Variants in PHF21A observed in about 807,000 individuals in gnomAD.
The protein encoded by PHF21A is BHC80a.
In PHF21A, 11 loss-of-function variants were observed where a neutral mutation model predicts 82.5. That is an observed-to-expected ratio of 0.13 (90% CI 0.08 to 0.22). The LOEUF is 0.22. PHF21A is among the 10% of genes least tolerant of loss of function. The probability of loss-of-function intolerance (pLI) is 1.00; values close to 1 mark genes in which losing one functional copy is unlikely to be tolerated. For missense variants in PHF21A, 579 were observed against 837.8 expected (o/e 0.69, Z 3.81); for synonymous variants, 297 against 302.8 (o/e 0.98, Z 0.20).
chr11:46,063,336 T>G (rs1335179272), intron 6 of PHF21A, among the ~76,000 whole-genome samples: 1 of 152,182 alleles, frequency 6.6e-6, no homozygotes, highest in African/African-American at 2.4e-5. Flanking sequence ...GTTGAGTGCC[T>G]CTCTGGTTAA....
intron 1 of PHF21A, among the ~76,000 whole-genome samples, chr11:46,098,449 A>G (rs969323423): frequency 6.6e-6 from 1 of 152,264 alleles, no homozygotes; most frequent in African/African-American, 2.4e-5. Flanking sequence ...TTCTTACAAT[A>G]TAAACAAAAA....
chr11:45,934,348 C>T, intron 18 of PHF21A, 123 bp from the exon 19 acceptor site: 1 of 1,001,910 alleles, frequency 1.0e-6, no homozygotes, highest in East Asian at 2.4e-5. Context: ...TGCTGTGCAG[C>T]CCCTGGGCCT....
chr11:45,941,205 C>T (rs2090281024), intron 15 of PHF21A, among the ~76,000 whole-genome samples: 1 of 152,032 alleles, frequency 6.6e-6, no homozygotes, highest in South Asian at 2.1e-4. Context: ...CTCAGGTAAT[C>T]CTCCCACCTC....
chr11:46,086,885 C>CA (rs2096863372), intron 3 of PHF21A, among the ~76,000 whole-genome samples: 2 of 152,128 alleles, frequency 1.3e-5, no homozygotes, highest in Admixed American at 1.3e-4. Flanking sequence ...TTAGGGCCCT[C>CA]AAAAATTGAT....
chr11:46,100,956 T>C (rs1020477919), intron 1 of PHF21A, among the ~76,000 whole-genome samples: 9 of 152,312 alleles, frequency 5.9e-5, no homozygotes, highest in African/African-American at 1.9e-4. Context: ...AAGCATTCCT[T>C]AACCAATACA....
At chr11:46,114,090 C>CACAT (rs993700924) in intron 1 of PHF21A, among the ~76,000 whole-genome samples, 7 of 151,208 alleles carry the variant, frequency 4.6e-5, no homozygotes, top group African/African-American at 1.7e-4. Context: ...ATTCCCTACA[C>CACAT]ACACACACAC....
At chr11:45,972,385 T>C (rs1310888407) in intron 7 of PHF21A, among the ~76,000 whole-genome samples, 1 of 152,200 alleles carries the variant, frequency 6.6e-6, no homozygotes, top group East Asian at 1.9e-4. Flanking sequence ...AAAATTTATC[T>C]GGTCAAACTC....
At chr11:45,948,392 C>T (rs186502901) in intron 14 of PHF21A, among the ~76,000 whole-genome samples, 19 of 152,248 alleles carry the variant, frequency 1.2e-4, no homozygotes, top group Admixed American at 1.2e-3. Flanking sequence ...TTGGAGATGC[C>T]CTCTTCTCAA....
chr11:46,110,220 G>GC (rs1445173192), intron 1 of PHF21A, among the ~76,000 whole-genome samples: 1 of 151,956 alleles, frequency 6.6e-6, no homozygotes, highest in Non-Finnish European at 1.5e-5. Context: ...AGTGAAGCAG[G>GC]CCCTTATTAT....
At chr11:45,958,496 C>T (rs1408523591) in intron 10 of PHF21A, among the ~76,000 whole-genome samples, 17 of 134,660 alleles carry the variant, frequency 1.3e-4, no homozygotes, top group Non-Finnish European at 2.5e-4. Context: ...CATGGTGGTG[C>T]GCAACTGTAG....
In PHF21A at chr11:45,965,337, C is replaced by CT; in HGVS notation, c.973dup (p.Ser325LysfsTer6). 6.2e-7 allele frequency: 1 copy of CT among 1,612,304 alleles called. No individual in the cohort carries two copies. Among genetic ancestry groups the CT allele is most frequent in the Non-Finnish European group, 8.5e-7 (1 of 1,179,414 alleles). The stretch of plus-strand genomic sequence containing the variant: ...TACCTGTTTTTCAAGACTTGGCTTG[C>CT]TAAGCTGTACAGTTTGAGGTCCAGC... On this transcript the variant is annotated frameshift_variant, in exon 10 of 19. Coordinates refer to ENST00000676320, the MANE Select transcript of PHF21A (RefSeq NM_001352027.3). LOFTEE classifies it high-confidence loss of function.
At chr11:45,938,478 C>G (rs1164435989) in intron 15 of PHF21A, among the ~76,000 whole-genome samples, 166 bp from the exon 16 acceptor site, 1 of 152,226 alleles carries the variant, frequency 6.6e-6, no homozygotes, top group African/African-American at 2.4e-5. Context: ...CCTACTCACT[C>G]CACATAGCTA....
chr11:45,979,659 T>C lies in PHF21A; in HGVS notation c.360+101A>G, dbSNP rs372471352. ...AATCAAAATAACTTTTGTTTAGTTCTAGCTGAGCTTAGTATAGTGTGAGAC... is the reference window on the plus strand; with the variant it reads ...AATCAAAATAACTTTTGTTTAGTTCCAGCTGAGCTTAGTATAGTGTGAGAC... On this transcript the variant is annotated intron_variant, in intron 7 of 18. Coordinates refer to ENST00000676320, the MANE Select transcript of PHF21A (RefSeq NM_001352027.3). 8 of 1,542,102 alleles carry C rather than the reference T, an allele frequency of 5.2e-6. No homozygotes were observed. In the Admixed American group the frequency reaches 8.5e-5, roughly 16 times the overall value.
intron 1 of PHF21A, among the ~76,000 whole-genome samples, chr11:46,107,486 C>T (rs558498082): frequency 2.6e-5 from 4 of 152,298 alleles, no homozygotes; most frequent in East Asian, 1.9e-4. Flanking sequence ...TGGTAAAAAA[C>T]GTTGACTACT....
At chr11:46,044,054 G>C (rs1269252729) in intron 6 of PHF21A, among the ~76,000 whole-genome samples, 1 of 152,130 alleles carries the variant, frequency 6.6e-6, no homozygotes, top group African/African-American at 2.4e-5. Context: ...GAGTAACAAT[G>C]CATTAGAGGA....
chr11:46,057,845 T>C (rs977025478), intron 6 of PHF21A, among the ~76,000 whole-genome samples: 1 of 152,138 alleles, frequency 6.6e-6, no homozygotes, highest in African/African-American at 2.4e-5. Context: ...ATATGGTGCT[T>C]AAGGGAATTT....
intron 10 of PHF21A, among the ~76,000 whole-genome samples, chr11:45,954,185 CG>C (rs2092436159): frequency 6.6e-6 from 1 of 152,020 alleles, no homozygotes. Context: ...GTAGTAGAGA[CG>C]GGGTTTCACC....
intron 6 of PHF21A, among the ~76,000 whole-genome samples, chr11:45,981,392 C>CAAAAAAAA (rs59866051): frequency 1.7e-5 from 1 of 60,264 alleles, no homozygotes; most frequent in African/African-American, 6.9e-5. Context: ...AACCCTGTCT[C>CAAAAAAAA]AAAAAAAAAA....
intron 6 of PHF21A, among the ~76,000 whole-genome samples, chr11:46,069,636 TGATA>T (rs1436701909): frequency 6.6e-6 from 1 of 152,206 alleles, no homozygotes; most frequent in African/African-American, 2.4e-5. Context: ...AAAAAATATT[TGATA>T]GATAAAGGTC....
Sources: gnomAD v4.1 joint callset for allele counts (sites outside exome capture counted in the v4.1 genomes callset) on GRCh38, gnomAD v4.1.1 for gene constraint, MANE v1.5 for transcripts, NCBI Gene and HGNC (gene_info 2026-07-23, HGNC 2026-07-21) for gene names.